Variants in RTN4R observed in about 807,000 individuals in gnomAD.
RTN4R encodes the protein reticulon-4 receptor.
In RTN4R, 4 loss-of-function variants were observed where a neutral mutation model predicts 27.7. The ratio of observed to expected loss-of-function variants is 0.14; its 90% CI spans 0.07 to 0.33. The LOEUF is 0.33. Among genes scored for constraint, RTN4R ranks in the 10% least tolerant of loss-of-function variants. The probability of loss-of-function intolerance (pLI) is 1.00; values close to 1 mark genes in which losing one functional copy is unlikely to be tolerated. For synonymous variants in RTN4R, 290 were observed against 305.6 expected (o/e 0.95, Z 0.53); for missense variants, 554 against 671.5 (o/e 0.83, Z 1.93).
intron 1 of RTN4R, among the ~76,000 whole-genome samples, chr22:20,249,697 C>T (rs768000152): frequency 6.6e-6 from 1 of 152,212 alleles, no homozygotes; most frequent in Non-Finnish European, 1.5e-5. Context: ...GGAGCCAGGG[C>T]CCGGCTGGAG....
chr22:20,248,533 G>A, intron 1 of RTN4R, among the ~76,000 whole-genome samples: 1 of 152,226 alleles, frequency 6.6e-6, no homozygotes, highest in East Asian at 1.9e-4. Flanking sequence ...ACACCGTGCA[G>A]GATCATCCAC....
At chr22:20,252,803 G>A (rs2051191913) in intron 1 of RTN4R, among the ~76,000 whole-genome samples, 1 of 152,114 alleles carries the variant, frequency 6.6e-6, no homozygotes, top group African/African-American at 2.4e-5. Context: ...GGGCTCAGAT[G>A]TAGCCTCTGC....
intron 1 of RTN4R, among the ~76,000 whole-genome samples, chr22:20,264,457 T>G (rs900813970): frequency 2.2e-4 from 33 of 152,236 alleles, no homozygotes; most frequent in African/African-American, 7.0e-4. Context: ...CCTGGGCCAC[T>G]CTGTGACCTC....
rs537203770 is a variant in RTN4R at position 20,266,794 on chromosome 22, C to T, written c.22+1277G>A. 3.4e-3 allele frequency among the ~76,000 whole-genome samples: 523 copies of T among 152,364 alleles called. 2 individuals carry two copies. The highest frequency in any genetic ancestry group is 5.3e-3 in the Non-Finnish European group (362 of 68,040). On this transcript the variant is annotated intron_variant, in intron 1 of 1. Coordinates refer to ENST00000043402, the MANE Select transcript of RTN4R (RefSeq NM_023004.6). ...TCTAGGCACACAAGGGGCACCCACACCCTGGAGGCAAAGAGACATGCCTAT... is the reference window on the plus strand; with the variant it reads ...TCTAGGCACACAAGGGGCACCCACATCCTGGAGGCAAAGAGACATGCCTAT...
At chr22:20,258,573 T>A (rs2051226078) in intron 1 of RTN4R, among the ~76,000 whole-genome samples, 1 of 152,314 alleles carries the variant, frequency 6.6e-6, no homozygotes, top group South Asian at 2.1e-4. Context: ...AGTGAGGATG[T>A]TGAACACGGT....
At chr22:20,261,399 C>T (rs896502261) in intron 1 of RTN4R, among the ~76,000 whole-genome samples, 11 of 152,186 alleles carry the variant, frequency 7.2e-5, no homozygotes, top group African/African-American at 2.7e-4. Flanking sequence ...AAGAAGGGGT[C>T]CCTGGAGCCA....
intron 1 of RTN4R, among the ~76,000 whole-genome samples, chr22:20,263,267 G>A (rs531464499): frequency 4.6e-5 from 7 of 152,220 alleles, no homozygotes; most frequent in Admixed American, 6.5e-5. Context: ...CTGGTCCTCC[G>A]GGGCACTTCA....
intron 1 of RTN4R, among the ~76,000 whole-genome samples, chr22:20,257,868 A>G (rs374951656): frequency 3.3e-5 from 5 of 152,188 alleles, no homozygotes; most frequent in East Asian, 3.9e-4. Context: ...GTCCCTGCCC[A>G]ACGTGATCGG....
At chr22:20,250,545 G>A (rs956069911) in intron 1 of RTN4R, among the ~76,000 whole-genome samples, 1 of 152,164 alleles carries the variant, frequency 6.6e-6, no homozygotes, top group Non-Finnish European at 1.5e-5. Context: ...AGAAGACCAC[G>A]GTCCTGCTGA....
intron 1 of RTN4R, among the ~76,000 whole-genome samples, chr22:20,266,564 C>G (rs2051277807): frequency 6.6e-6 from 1 of 152,222 alleles, no homozygotes; most frequent in African/African-American, 2.4e-5. Context: ...CAGGGTCTGG[C>G]CTGTTGGTCA....
At chr22:20,250,361 T>C (rs1050674841) in intron 1 of RTN4R, among the ~76,000 whole-genome samples, 3 of 152,274 alleles carry the variant, frequency 2.0e-5, no homozygotes, top group African/African-American at 4.8e-5. Context: ...TGAGTTGTTA[T>C]GACACACTGT....
intron 1 of RTN4R, among the ~76,000 whole-genome samples, chr22:20,262,283 T>TACA (rs2051252307): frequency 6.6e-6 from 1 of 151,806 alleles, no homozygotes; most frequent in Non-Finnish European, 1.5e-5. Flanking sequence ...GCAGGAGAGA[T>TACA]GCAGGGCACT....
intron 1 of RTN4R, chr22:20,267,779 C>A: frequency 2.4e-6 from 1 of 413,208 alleles, no homozygotes; most frequent in Non-Finnish European, 4.8e-6. Context: ...GGCCCCCGCC[C>A]TCGACTTGGC....
At chr22:20,259,326 T>G (rs528952310) in intron 1 of RTN4R, among the ~76,000 whole-genome samples, 1 of 152,270 alleles carries the variant, frequency 6.6e-6, no homozygotes, top group South Asian at 2.1e-4. Context: ...AGAGTTTTTC[T>G]TTTGCCAGTT....
At chr22:20,253,901 A>G (rs2051198258) in intron 1 of RTN4R, among the ~76,000 whole-genome samples, 1 of 152,216 alleles carries the variant, frequency 6.6e-6, no homozygotes, top group Non-Finnish European at 1.5e-5. Context: ...TTCCAGAAAG[A>G]AAAACAAAGG....
chr22:20,260,185 C>T lies in RTN4R; in HGVS notation c.22+7886G>A, dbSNP rs528039698. 2.0e-5 allele frequency among the ~76,000 whole-genome samples: 3 copies of T among 152,228 alleles called. No homozygotes were observed. The East Asian group carries it at 5.8e-4, about 29-fold the overall frequency. ...GCAGTCCTGCTGTTGTCTCACGTGG[C>T]CCTAGGGGGCTCATCTGTAGCCCCC... On this transcript the variant is annotated intron_variant, in intron 1 of 1. Transcript: ENST00000043402.
chr22:20,262,366 C>G (rs1403050766), intron 1 of RTN4R, among the ~76,000 whole-genome samples: 1 of 152,180 alleles, frequency 6.6e-6, no homozygotes, highest in South Asian at 2.1e-4. Flanking sequence ...CATTCCCTCA[C>G]TTGCCGGGAC....
At chr22:20,248,508 A>G (rs1012219976) in intron 1 of RTN4R, among the ~76,000 whole-genome samples, 4 of 152,214 alleles carry the variant, frequency 2.6e-5, no homozygotes, top group African/African-American at 9.7e-5. Flanking sequence ...CCCCAAGGAC[A>G]CATCAACGTG....
chr22:20,266,194 C>T (rs2051275633), intron 1 of RTN4R, among the ~76,000 whole-genome samples: 1 of 152,214 alleles, frequency 6.6e-6, no homozygotes, highest in Non-Finnish European at 1.5e-5. Context: ...CCCACTGCTT[C>T]AGCTGCCCCT....
Sources: allele counts gnomAD v4.1 joint callset (sites outside exome capture counted in the v4.1 genomes callset), GRCh38; gene constraint gnomAD v4.1.1; transcripts MANE v1.5; gene names NCBI Gene and HGNC (gene_info 2026-07-23, HGNC 2026-07-21).